Variants in SH3KBP1 observed in about 807,000 individuals in gnomAD.
The protein encoded by SH3KBP1 is SH3 domain-containing kinase-binding protein 1.
Under a neutral mutation model 50.1 loss-of-function variants are expected in SH3KBP1, and 8 were observed. That is an observed-to-expected ratio of 0.16 (90% CI 0.09 to 0.29). The LOEUF is 0.29. SH3KBP1 is among the 10% of genes least tolerant of loss of function. The pLI is 1.00. For synonymous variants in SH3KBP1, 227 were observed against 218.6 expected (o/e 1.04, Z -0.34); for missense variants, 377 against 535.2 (o/e 0.70, Z 2.92).
chrX:19,772,452 C>A (rs1318220422), intron 2 of SH3KBP1, among the ~76,000 whole-genome samples: 1 of 110,777 alleles, frequency 9.0e-6, no homozygotes, highest in Non-Finnish European at 1.9e-5. Context: ...AAAATAAGGC[C>A]CAAACAGCCT....
At chrX:19,821,573 G>A (rs1214808405) in intron 2 of SH3KBP1, among the ~76,000 whole-genome samples, 1 of 110,477 alleles carries the variant, frequency 9.1e-6, no homozygotes, top group African/African-American at 3.3e-5. Context: ...CTGTCGCCCA[G>A]GCTGGAGTGC....
intron 3 of SH3KBP1, among the ~76,000 whole-genome samples, chrX:19,733,537 C>T (rs1259053719): frequency 9.1e-6 from 1 of 110,446 alleles, no homozygotes; most frequent in Non-Finnish European, 1.9e-5. Context: ...CCTCATACTA[C>T]ACATCAAAAT....
chrX:19,858,273 G>A (rs963046313), intron 1 of SH3KBP1, among the ~76,000 whole-genome samples: 8 of 111,545 alleles, frequency 7.2e-5, no homozygotes, highest in South Asian at 3.7e-4. Context: ...AAAGTAAACC[G>A]GAGAATCATA....
At chrX:19,739,988 T>C (rs2064719426) in intron 3 of SH3KBP1, among the ~76,000 whole-genome samples, 1 of 109,261 alleles carries the variant, frequency 9.2e-6, no homozygotes, top group South Asian at 3.9e-4. Flanking sequence ...TGCCTTGAAA[T>C]CAGAAGACAC....
rs530276416 is a variant in SH3KBP1, at chrX:19,604,462, A to G, written c.1005+3476T>C. Among the ~76,000 whole-genome samples, 25 of 111,826 alleles carry G rather than the reference A, an allele frequency of 2.2e-4. No individual in the cohort carries two copies. In the South Asian group the frequency reaches 8.3e-3, roughly 37 times the overall value. ...TTATCAGAATGCTCTGCGGATGCCT[A>G]CGGAGTCAAGAGGCCTGCTGTTGAA... On this transcript the variant is annotated intron_variant, in intron 9 of 17. Transcript: ENST00000397821.
chrX:19,755,187 G>T (rs1177992813), intron 2 of SH3KBP1, among the ~76,000 whole-genome samples: 1 of 110,872 alleles, frequency 9.0e-6, no homozygotes, highest in Admixed American at 9.6e-5. Flanking sequence ...GGCCAACATG[G>T]TGAAACCCTG....
At chrX:19,774,938 T>C (rs1191833426) in intron 2 of SH3KBP1, among the ~76,000 whole-genome samples, 1 of 111,272 alleles carries the variant, frequency 9.0e-6, no homozygotes, top group Middle Eastern at 4.6e-3. Context: ...AGACCTTCTA[T>C]GAGAGCATCA....
chrX:19,564,576 C>T (rs10127048), intron 13 of SH3KBP1, among the ~76,000 whole-genome samples: 2 of 108,894 alleles, frequency 1.8e-5, no homozygotes, highest in Non-Finnish European at 3.8e-5. Flanking sequence ...CTCTCCCCCC[C>T]CTTCCTCTTT....
chrX:19,779,297 T>G (rs2066083331), intron 2 of SH3KBP1, among the ~76,000 whole-genome samples: 1 of 90,441 alleles, frequency 1.1e-5, no homozygotes, highest in Admixed American at 1.3e-4. Context: ...AGACCCTGTC[T>G]CAAAAAAAAA....
At chrX:19,740,407 G>T (rs1259739154) in intron 3 of SH3KBP1, among the ~76,000 whole-genome samples, 1 of 111,954 alleles carries the variant, frequency 8.9e-6, no homozygotes, top group African/African-American at 3.3e-5. Flanking sequence ...CCCATTCACT[G>T]CCAGATCGCC....
At chrX:19,716,460 T>A (rs2063912267) in intron 3 of SH3KBP1, among the ~76,000 whole-genome samples, 1 of 112,162 alleles carries the variant, frequency 8.9e-6, no homozygotes, top group African/African-American at 3.2e-5. Context: ...GCCTGCTACT[T>A]CAAAGGCAGA....
rs771288272 is a variant in SH3KBP1 at position 19,709,920 on chromosome X, T to C, written c.287-2936A>G. 2.7e-5 allele frequency among the ~76,000 whole-genome samples: 3 copies of C among 111,554 alleles called. No homozygotes were observed. The South Asian group carries it at 1.1e-3, about 42-fold the overall frequency. On this transcript the variant is annotated intron_variant, in intron 3 of 17. Coordinates refer to ENST00000397821, the MANE Select transcript of SH3KBP1 (RefSeq NM_031892.3). ...TGAGTCTTGACCTTCCTTAAAGAGG[T>C]AAGGAGATGACAATGCCACCTCATT...
chrX:19,882,258 C>T (rs966825284), intron 1 of SH3KBP1, among the ~76,000 whole-genome samples: 5 of 110,882 alleles, frequency 4.5e-5, no homozygotes, highest in Admixed American at 2.9e-4. Context: ...ATTCCCTCCC[C>T]GCCCCCAGAT....
At chrX:19,590,809 ATTTTTTTTTTTTTTT>A (rs34366083) in intron 11 of SH3KBP1, among the ~76,000 whole-genome samples, 25 of 23,764 alleles carry the variant, frequency 1.1e-3, no homozygotes, top group East Asian at 0.01. Flanking sequence ...AGGCCTGGCT[ATTTTTTTTTTTTTTT>A]TTTTTTTTTT....
intron 1 of SH3KBP1, among the ~76,000 whole-genome samples, chrX:19,863,403 T>C (rs1277561980): frequency 2.7e-5 from 3 of 111,598 alleles, no homozygotes; most frequent in Non-Finnish European, 3.8e-5. Flanking sequence ...AACAAGTGTC[T>C]GAATGAGTGG....
chrX:19,545,760 G>A (rs148717094), intron 15 of SH3KBP1, among the ~76,000 whole-genome samples, 162 bp downstream of exon 15: 89 of 112,027 alleles, frequency 7.9e-4, no homozygotes, highest in Middle Eastern at 4.6e-3. Flanking sequence ...GCCTAGTTTC[G>A]GAGACTGCAA....
intron 8 of SH3KBP1, among the ~76,000 whole-genome samples, chrX:19,630,113 ATG>A (rs2061543918): frequency 8.9e-6 from 1 of 112,409 alleles, no homozygotes; most frequent in Admixed American, 9.4e-5. Context: ...ATAGAAACAG[ATG>A]TGTGTCTTTT....
Position 19,591,743 on chromosome X carries a change from T to C in SH3KBP1, c.1138+324A>G, listed in dbSNP as rs1360636374. ...GACAGGCTAAGTGGAAACTGACAGA[T>C]ATATACCAGGCCCTAAAGGAACTTA... is the stretch of plus-strand genomic sequence containing the variant. On this transcript the variant is annotated intron_variant, in intron 11 of 17. Coordinates refer to ENST00000397821, the MANE Select transcript of SH3KBP1 (RefSeq NM_031892.3). Among the ~76,000 whole-genome samples the C allele has an allele frequency of 2.7e-5, 3 of 112,195 alleles. 1 individual carries two copies. The highest frequency in any genetic ancestry group is 6.5e-5 in the African/African-American group (2 of 30,907).
At position 19,674,557 on chromosome X, in the gene SH3KBP1, A is replaced by C. The variant is rs751623323; in HGVS notation, c.726+9266T>G. Among the ~76,000 whole-genome samples the C allele has an allele frequency of 1.1e-4, 12 of 112,263 alleles. No individual in the cohort carries two copies. In the South Asian group the frequency reaches 4.4e-3, roughly 41 times the overall value. On this transcript the variant is annotated intron_variant, in intron 6 of 17. Coordinates refer to ENST00000397821, the MANE Select transcript of SH3KBP1 (RefSeq NM_031892.3). Reference sequence around the variant, plus strand: ...ATCCCAACCAGAATTGGATTAGCACAAAACAGTATCTTCATTCATCCAGTC... The same window carrying C: ...ATCCCAACCAGAATTGGATTAGCACCAAACAGTATCTTCATTCATCCAGTC...
Sources: allele counts gnomAD v4.1 joint callset (sites outside exome capture counted in the v4.1 genomes callset), GRCh38; gene constraint gnomAD v4.1.1; transcripts MANE v1.5; gene names NCBI Gene and HGNC (gene_info 2026-07-23, HGNC 2026-07-21).